The following NELL1 variants were observed in gnomAD, a reference collection of about 807,000 sequenced individuals.
NELL1 encodes neural EGFL like 1.
Under a neutral mutation model 107.4 loss-of-function variants are expected in NELL1, and 76 were observed. The observed-to-expected ratio is 0.71, with a 90% CI of 0.59 to 0.86. NELL1 has a LOEUF of 0.86. Among genes scored for constraint, NELL1 ranks in the 40% least tolerant of loss-of-function variants. The probability of loss-of-function intolerance (pLI) is 0.00; values close to 1 mark genes in which losing one functional copy is unlikely to be tolerated. For synonymous variants in NELL1, 353 were observed against 341.2 expected, an observed-to-expected ratio of 1.03 and a Z score of -0.38; for missense variants, 1,024 against 1,005.5, an observed-to-expected ratio of 1.02 and a Z score of -0.25.
chr11:21,180,550 A>G (rs908909988), intron 13 of NELL1, among the ~76,000 whole-genome samples: 1 of 151,828 alleles, frequency 6.6e-6, no homozygotes, highest in Non-Finnish European at 1.5e-5. Context: ...TAAAGTAGAA[A>G]TAAATCATCT....
intron 15 of NELL1, among the ~76,000 whole-genome samples, chr11:21,463,419 T>C (rs1002952669): frequency 6.6e-6 from 1 of 152,118 alleles, no homozygotes; most frequent in Non-Finnish European, 1.5e-5. Context: ...CAGATGATTG[T>C]GGGACCACTC....
Position 20,847,584 on chromosome 11 carries a change from T to G in NELL1, c.337T>G (p.Tyr113Asp), listed in dbSNP as rs1307291210. ...AAATGTTTGTTCCTTTACATACAGC[T>G]ATTTTGAACTGGAGAGCAGTGGCCT... ...ILSIRELEHS[Y>D]FELESSGLRD... Residue 113 changes from tyrosine to aspartate, a missense_variant and splice_region_variant, in exon 4 of 20, where the codon TAT (tyrosine) becomes GAT (aspartate). Transcript: ENST00000357134. 1.2e-6 allele frequency: 2 copies of G among 1,611,950 alleles called. No homozygotes were observed. The highest frequency in any genetic ancestry group is 2.2e-5 in the South Asian group (2 of 90,632).
At chr11:21,084,971 A>G (rs1298299245) in intron 12 of NELL1, among the ~76,000 whole-genome samples, 2 of 152,178 alleles carry the variant, frequency 1.3e-5, no homozygotes, top group East Asian at 1.9e-4. Context: ...ACCACATAAT[A>G]TGTAGTTTCC....
At chr11:20,698,832 T>A (rs886204809) in intron 2 of NELL1, among the ~76,000 whole-genome samples, 11 of 152,192 alleles carry the variant, frequency 7.2e-5, no homozygotes, top group Non-Finnish European at 5.9e-5. Flanking sequence ...GTCCATTATA[T>A]TATTCTTTTC....
intron 15 of NELL1, among the ~76,000 whole-genome samples, chr11:21,526,119 C>T (rs1377138310): frequency 6.6e-6 from 1 of 152,200 alleles, no homozygotes; most frequent in Non-Finnish European, 1.5e-5. Context: ...CTCCTAGATA[C>T]AGTGGGAGTA....
intron 13 of NELL1, among the ~76,000 whole-genome samples, chr11:21,130,041 G>A (rs1306384222): frequency 2.0e-5 from 3 of 152,142 alleles, no homozygotes; most frequent in Admixed American, 6.5e-5. Flanking sequence ...ACTACCATAG[G>A]TATATGAAAG....
At chr11:20,833,079 C>A (rs534288716) in intron 3 of NELL1, among the ~76,000 whole-genome samples, 44 of 152,128 alleles carry the variant, frequency 2.9e-4, no homozygotes, top group Non-Finnish European at 5.7e-4. Flanking sequence ...TCTTATAGTT[C>A]TTTCTTCCAA....
chr11:20,804,349 C>T (rs765549859), intron 3 of NELL1, among the ~76,000 whole-genome samples: 2 of 152,166 alleles, frequency 1.3e-5, no homozygotes, highest in Non-Finnish European at 2.9e-5. Context: ...AAGTCTCCTG[C>T]CTTGGCCTCT....
chr11:21,236,232 G>T (rs1472666999), intron 14 of NELL1, among the ~76,000 whole-genome samples: 3 of 151,980 alleles, frequency 2.0e-5, no homozygotes, highest in Non-Finnish European at 4.4e-5. Context: ...TCTGAATTTT[G>T]CTTGTAGTAT....
chr11:21,364,230 G>A (rs1388987656), intron 14 of NELL1, among the ~76,000 whole-genome samples: 1 of 151,654 alleles, frequency 6.6e-6, no homozygotes, highest in Non-Finnish European at 1.5e-5. Flanking sequence ...CTAACATGGT[G>A]AAACCCCATC....
chr11:20,962,455 A>G (rs1045473593), intron 12 of NELL1, among the ~76,000 whole-genome samples: 7 of 152,206 alleles, frequency 4.6e-5, no homozygotes, highest in African/African-American at 1.7e-4. Flanking sequence ...AATCCTGATT[A>G]CGCCACTGGC....
intron 16 of NELL1, among the ~76,000 whole-genome samples, chr11:21,539,966 C>T (rs1186536256): frequency 6.6e-6 from 1 of 151,966 alleles, no homozygotes; most frequent in Non-Finnish European, 1.5e-5. Flanking sequence ...CGGGACATCA[C>T]ACATCCTGAA....
intron 14 of NELL1, among the ~76,000 whole-genome samples, chr11:21,308,072 G>A (rs970415932): frequency 6.6e-6 from 1 of 151,910 alleles, no homozygotes; most frequent in East Asian, 1.9e-4. Context: ...TTGGAACGCC[G>A]GCTTTGCCAC....
chr11:21,570,352 G>A lies in NELL1; in HGVS notation c.1981-412G>A, dbSNP rs544615450. Among the ~76,000 whole-genome samples the A allele has an allele frequency of 7.2e-5, 11 of 151,882 alleles. No individual in the cohort carries two copies. In the South Asian group the frequency reaches 2.3e-3, roughly 32 times the overall value. ...TAATCAGACTTCCTTTCACGGTTGG[G>A]ACAGGGATATAGTTAGATGAATGTA... is the stretch of plus-strand genomic sequence containing the variant. On this transcript the variant is annotated intron_variant, in intron 17 of 19. Coordinates refer to ENST00000357134, the MANE Select transcript of NELL1 (RefSeq NM_006157.5).
chr11:21,453,260 T>A (rs550536004), intron 15 of NELL1, among the ~76,000 whole-genome samples: 1 of 152,240 alleles, frequency 6.6e-6, no homozygotes, highest in Admixed American at 6.5e-5. Context: ...TTAGGTTTTA[T>A]CAGTTATTGC....
At chr11:20,887,982 T>A (rs1467281499) in intron 5 of NELL1, among the ~76,000 whole-genome samples, 2 of 152,062 alleles carry the variant, frequency 1.3e-5, no homozygotes, top group East Asian at 1.9e-4. Flanking sequence ...TTTAATTTTT[T>A]AAAAAACTTC....
At chr11:21,474,369 G>C (rs1564912186) in intron 15 of NELL1, among the ~76,000 whole-genome samples, 1 of 150,016 alleles carries the variant, frequency 6.7e-6, no homozygotes, top group Non-Finnish European at 1.5e-5. Flanking sequence ...ACTGATTTTA[G>C]CTGTCTGTGT....
intron 3 of NELL1, among the ~76,000 whole-genome samples, chr11:20,839,619 G>T (rs931337093): frequency 1.3e-5 from 2 of 152,142 alleles, no homozygotes; most frequent in African/African-American, 4.8e-5. Flanking sequence ...AGAAATCTGT[G>T]AAGTAGATGT....
chr11:21,053,606 T>A (rs986322287), intron 12 of NELL1, among the ~76,000 whole-genome samples: 15 of 152,110 alleles, frequency 9.9e-5, no homozygotes, highest in African/African-American at 3.6e-4. Flanking sequence ...CAGATGGTGC[T>A]AGGAAAACCT....
Sources: gnomAD v4.1 joint callset for allele counts (sites outside exome capture counted in the v4.1 genomes callset) on GRCh38, gnomAD v4.1.1 for gene constraint, MANE v1.5 for transcripts, NCBI Gene and HGNC (gene_info 2026-07-23, HGNC 2026-07-21) for gene names.